ZNF214: variants seen among roughly 807,000 people sequenced by gnomAD.
The protein encoded by ZNF214 is zinc finger protein 214.
In ZNF214, 43 loss-of-function variants were observed where a neutral mutation model predicts 53.9. That is an observed-to-expected ratio of 0.80 (90% CI 0.63 to 1.03). The LOEUF is 1.03. Ranked by LOEUF, ZNF214 falls within the 50% of genes least tolerant of loss-of-function variation. The pLI, the probability that ZNF214 is intolerant of heterozygous loss-of-function variation, is 0.00. For synonymous variants in ZNF214, 217 were observed against 229.5 expected (o/e 0.95, Z 0.49); for missense variants, 724 against 719.1 (o/e 1.01, Z -0.08).
chr11:7,014,232 C>T (rs1851690014), intron 1 of ZNF214, among the ~76,000 whole-genome samples: 1 of 152,134 alleles, frequency 6.6e-6, no homozygotes, highest in Non-Finnish European at 1.5e-5. Flanking sequence ...AATTCATGAT[C>T]CCAGAAATTC....
At chr11:7,013,037 G>A (rs1773070672) in intron 1 of ZNF214, among the ~76,000 whole-genome samples, 1 of 152,150 alleles carries the variant, frequency 6.6e-6, no homozygotes, top group African/African-American at 2.4e-5. Context: ...AACTCCCATG[G>A]CTGGCAGGCT....
chr11:6,998,491 A>G lies in ZNF214; in HGVS notation c.*1371T>C, dbSNP rs1851238620. Among the ~76,000 whole-genome samples the G allele has an allele frequency of 1.3e-5, 2 of 152,034 alleles. No homozygotes were observed. The highest frequency in any genetic ancestry group is 2.1e-4 in the South Asian group (1 of 4,836). ...TTCCATCTCATTATCCTTTTCAGAT[A>G]CATTTAAGATCAGATCAAGTTTATC... On this transcript the variant is annotated 3_prime_UTR_variant, in exon 3 of 3. Coordinates refer to ENST00000278314, the MANE Select transcript of ZNF214 (RefSeq NM_013249.4).
At position 7,001,394 on chromosome 11, in the gene ZNF214, G is replaced by A. The variant is rs1037385153; in HGVS notation, c.289C>T (p.Gln97Ter). 1 of 1,613,252 alleles carries A rather than the reference G, an allele frequency of 6.2e-7. No individual in the cohort carries two copies. Residue 97 changes from glutamine (Q) to a stop codon, truncating the protein, a stop_gained, in exon 3 of 3, where the codon CAG (glutamine) becomes TAG (stop). Coordinates refer to ENST00000278314, the MANE Select transcript of ZNF214 (RefSeq NM_013249.4). LOFTEE classifies it high-confidence loss of function. ...VQGTDSKDLTQQDRSQCQEWL... is the reference protein window; with the variant it reads ...VQGTDSKDLT Reference sequence around the variant, plus strand: ...TCCTGACACTGGGAACGATCTTGCTGTGTGAGGTCTTTGGAATCTGTCCCT... The same window carrying A: ...TCCTGACACTGGGAACGATCTTGCTATGTGAGGTCTTTGGAATCTGTCCCT...
At chr11:7,008,211 T>A (rs1297956357) in intron 1 of ZNF214, among the ~76,000 whole-genome samples, 1 of 152,096 alleles carries the variant, frequency 6.6e-6, no homozygotes, top group African/African-American at 2.4e-5. Context: ...AGTGGGCGGA[T>A]TGCTTGAGCC....
intron 1 of ZNF214, among the ~76,000 whole-genome samples, chr11:7,012,940 G>T (rs1851640149): frequency 6.6e-6 from 1 of 152,050 alleles, no homozygotes. Context: ...GGCAGCTCTG[G>T]TTTGGATCTC....
rs370985660 is a variant in ZNF214 at position 7,000,208 on chromosome 11, T to C, written c.1475A>G (p.His492Arg). ...ACATTTGTAGGGTTTCTCTCCAGTA[T>C]GTACTCTTTGATGAGTGTGAAGCTT... Reference protein sequence around the residue: ...SSKLHTHQRVHTGEKPYKCEE... With the variant: ...SSKLHTHQRVRTGEKPYKCEE... Residue 492 changes from histidine (H) to arginine (R), a missense_variant, in exon 3 of 3, where the codon CAT becomes CGT. His to Arg is a conservative substitution (Grantham distance 29, BLOSUM62 0). Coordinates refer to ENST00000278314, the MANE Select transcript of ZNF214 (RefSeq NM_013249.4). The C allele has an allele frequency of 6.2e-7, 1 of 1,613,402 alleles. No individual in the cohort carries two copies. The highest frequency in any genetic ancestry group is 8.5e-7 in the Non-Finnish European group (1 of 1,179,608).
intron 1 of ZNF214, among the ~76,000 whole-genome samples, chr11:7,014,820 C>G (rs7126819): frequency 1.1e-5 from 1 of 91,220 alleles, no homozygotes; most frequent in East Asian, 3.5e-4. Flanking sequence ...AAAAAAAAAA[C>G]AAAAAAAAAA....
At chr11:7,004,109 A>T (rs190170688) in intron 1 of ZNF214, among the ~76,000 whole-genome samples, 183 of 152,020 alleles carry the variant, frequency 1.2e-3, no homozygotes, top group African/African-American at 3.7e-3. Context: ...GTTATTTTTT[A>T]AAAAATTTAA....
chr11:7,010,578 A>AAATG (rs1242161791), intron 1 of ZNF214, among the ~76,000 whole-genome samples: 8 of 151,840 alleles, frequency 5.3e-5, no homozygotes, highest in African/African-American at 1.9e-4. Flanking sequence ...AAAGTTAAGA[A>AAATG]AATGGCTAGA....
chr11:7,004,755 G>T (rs956892200), intron 1 of ZNF214, among the ~76,000 whole-genome samples: 10 of 152,048 alleles, frequency 6.6e-5, no homozygotes, highest in African/African-American at 2.2e-4. Flanking sequence ...CAACAGCCAT[G>T]TGAGTAAACT....
chr11:7,005,880 C>T (rs1851460998), intron 1 of ZNF214, among the ~76,000 whole-genome samples: 1 of 152,110 alleles, frequency 6.6e-6, no homozygotes, highest in Admixed American at 6.6e-5. Flanking sequence ...TTCTGGTTAT[C>T]CTGAAATGTA....
rs1321668888 is a variant in ZNF214 at position 7,000,124 on chromosome 11, T to C, written c.1559A>G (p.His520Arg). Residue 520 changes from histidine (H) to arginine (R), a missense_variant, in exon 3 of 3, where the codon CAT becomes CGT. Coordinates refer to ENST00000278314, the MANE Select transcript of ZNF214 (RefSeq NM_013249.4). ...ACATTTATAGGGCTTTTCTCCTGTA[T>C]GGACTCTCTGATGAATGAGAAGATG... ...RSHLLIHQRV[H>R]TGEKPYKCHD... 6.2e-7 allele frequency: 1 copy of C among 1,613,442 alleles called. No homozygotes were observed. Among genetic ancestry groups the C allele is most frequent in the South Asian group, 1.1e-5 (1 of 91,064 alleles).
At chr11:7,008,118 A>C (rs1211740832) in intron 1 of ZNF214, among the ~76,000 whole-genome samples, 1 of 152,156 alleles carries the variant, frequency 6.6e-6, no homozygotes, top group Non-Finnish European at 1.5e-5. Context: ...GATCCAAATG[A>C]AATACTTGAA....
chr11:7,013,545 C>T (rs1851660847), intron 1 of ZNF214, among the ~76,000 whole-genome samples: 1 of 152,200 alleles, frequency 6.6e-6, no homozygotes, highest in Non-Finnish European at 1.5e-5. Flanking sequence ...TTTTGACCTC[C>T]ACATTCTCAC....
chr11:7,002,341 A>C (rs927656368), intron 2 of ZNF214, among the ~76,000 whole-genome samples: 9 of 152,056 alleles, frequency 5.9e-5, no homozygotes, highest in African/African-American at 1.9e-4. Context: ...ATCATAAAAA[A>C]TAATAAAGTT....
chr11:7,013,640 C>T (rs1408755088), intron 1 of ZNF214, among the ~76,000 whole-genome samples: 2 of 152,180 alleles, frequency 1.3e-5, no homozygotes, highest in African/African-American at 4.8e-5. Flanking sequence ...ATAGCGATGG[C>T]CCCCTGGTGT....
intron 1 of ZNF214, among the ~76,000 whole-genome samples, chr11:7,015,538 C>A (rs533225233): frequency 1.9e-4 from 29 of 152,148 alleles, no homozygotes; most frequent in African/African-American, 7.0e-4. Context: ...GAGTGTGCCA[C>A]TGAACTCCAG....
rs984984462 is a variant in ZNF214, at chr11:6,997,232, A to G, written c.*2630T>C. On this transcript the variant is annotated 3_prime_UTR_variant, in exon 3 of 3. Transcript: ENST00000278314. Reference sequence around the variant, plus strand: ...TTTTTGCCCAACTTAATGAGTTTAAATTAGTGCACTTTTCACCTTTAAAAA... The same window carrying G: ...TTTTTGCCCAACTTAATGAGTTTAAGTTAGTGCACTTTTCACCTTTAAAAA... Among the ~76,000 whole-genome samples the G allele has an allele frequency of 6.6e-6, 1 of 151,912 alleles. No individual in the cohort carries two copies. The highest frequency in any genetic ancestry group is 2.4e-5 in the African/African-American group (1 of 41,422).
At chr11:7,019,337 T>G (rs1851854781) in intron 1 of ZNF214, among the ~76,000 whole-genome samples, 1 of 152,160 alleles carries the variant, frequency 6.6e-6, no homozygotes, top group Admixed American at 6.5e-5. Flanking sequence ...ACCTTGAAAT[T>G]TATTTCCAAC....
Sources: allele counts gnomAD v4.1 joint callset (sites outside exome capture counted in the v4.1 genomes callset), GRCh38; gene constraint gnomAD v4.1.1; transcripts MANE v1.5; gene names NCBI Gene and HGNC (gene_info 2026-07-23, HGNC 2026-07-21).